Variants in TMEM41A observed in about 807,000 individuals in gnomAD.
The protein encoded by TMEM41A is transmembrane protein 41A.
In TMEM41A, 20 loss-of-function variants were observed where a neutral mutation model predicts 25.7. The observed-to-expected ratio is 0.78, with a 90% CI of 0.55 to 1.13. TMEM41A has a LOEUF of 1.13. Among genes scored for constraint, TMEM41A ranks in the 50% most tolerant of loss-of-function variants. The probability of loss-of-function intolerance (pLI) is 0.00; values close to 1 mark genes in which losing one functional copy is unlikely to be tolerated. For missense variants in TMEM41A, 299 were observed against 314.3 expected (o/e 0.95, Z 0.37); for synonymous variants, 133 against 139.6 (o/e 0.95, Z 0.33).
At chr3:185,492,962 C>T (rs1719001037) in intron 4 of TMEM41A, 1 of 152,112 alleles carries the variant, frequency 6.6e-6, no homozygotes, top group African/African-American at 2.4e-5. Context: ...CAAAATTGGC[C>T]GTGGTAGATC....
At chr3:185,497,095 A>G (rs1719127065) in intron 1 of TMEM41A, 114 bp from the exon 2 acceptor site, 1 of 1,313,634 alleles carries the variant, frequency 7.6e-7, no homozygotes, top group Admixed American at 2.3e-5. Context: ...CCATCATCTG[A>G]TCTGCTGGGA....
chr3:185,496,413 G>T, intron 2 of TMEM41A: 1 of 248,516 alleles, frequency 4.0e-6, no homozygotes, highest in Non-Finnish European at 8.1e-6. Context: ...CCCCCACCAA[G>T]CAGCAGCTGG....
intron 2 of TMEM41A, chr3:185,496,534 A>T (rs1257938272): frequency 4.7e-6 from 2 of 421,526 alleles, no homozygotes; most frequent in Non-Finnish European, 8.9e-6. Context: ...TCTCTTGGAC[A>T]TGTTTGCTTT....
rs769887402 is a variant in TMEM41A at position 185,491,718 on chromosome 3, G to T, written c.614C>A (p.Ser205Tyr). 2 of 1,614,112 alleles carry T rather than the reference G, an allele frequency of 1.2e-6. No individual in the cohort carries two copies. Among genetic ancestry groups the T allele is most frequent in the East Asian group, 4.5e-5 (2 of 44,874 alleles). The change falls in exon 5 of 5, where the codon TCC (serine) becomes TAC (tyrosine). Residue 205 changes from serine to tyrosine, a missense_variant. Ser to Tyr is a moderately radical substitution (Grantham distance 144, BLOSUM62 -2). Coordinates refer to ENST00000421852, the MANE Select transcript of TMEM41A (RefSeq NM_080652.4). ...PYNFICVQTG[S>Y]ILSTLTSLDA... The stretch of plus-strand genomic sequence containing the variant: ...CAGAGAGGTTAGGGTTGACAGGATG[G>T]ACCCTGTCTGCACACAGATGAAATT...
rs1718909845 is a variant in TMEM41A, at chr3:185,490,382, C to CA, written c.*1154dup. 6.6e-6 allele frequency: 1 copy of CA among 152,220 alleles called. No homozygotes were observed. The highest frequency in any genetic ancestry group is 2.1e-4 in the South Asian group (1 of 4,826). The allele number at this position is 152,220 out of a possible 1,614,324, so 9.4% of individuals were successfully genotyped here. A position where few individuals can be genotyped will look rare whatever the true frequency, so the allele number is the denominator to read the frequency against. ...TACTGAACCCATTCTCCTAGCATGA[C>CA]ACAGAACGGATTCCTGCAGAAAGGA... is the stretch of plus-strand genomic sequence containing the variant. On this transcript the variant is annotated 3_prime_UTR_variant, in exon 5 of 5. Coordinates refer to ENST00000421852, the MANE Select transcript of TMEM41A (RefSeq NM_080652.4).
chr3:185,491,781 A>T, intron 4 of TMEM41A, 24 bp from the exon 5 acceptor site: 9 of 1,553,302 alleles, frequency 5.8e-6, no homozygotes, highest in Non-Finnish European at 7.9e-6. Flanking sequence ...AGGACAAAGC[A>T]CCTGTTACAA....
intron 1 of TMEM41A, among the ~76,000 whole-genome samples, chr3:185,497,403 T>TC (rs1482084392): frequency 6.6e-6 from 1 of 152,112 alleles, no homozygotes; most frequent in Non-Finnish European, 1.5e-5. Flanking sequence ...GGACACTGCC[T>TC]CCCCCACAAA....
chr3:185,489,629 T>C lies in TMEM41A; in HGVS notation c.*1908A>G, dbSNP rs1046424360. ...CACTTACATCCATTTATTTGGGAAA[T>C]TGCTTCACCTGTAAACTCACAACTG... On this transcript the variant is annotated 3_prime_UTR_variant, in exon 5 of 5. Transcript: ENST00000421852. The C allele has an allele frequency of 6.6e-6, 1 of 152,118 alleles. No homozygotes were observed. Among genetic ancestry groups the C allele is most frequent in the Admixed American group, 6.6e-5 (1 of 15,258 alleles). The allele number at this position is 152,118 out of a possible 1,614,324, so 9.4% of individuals were successfully genotyped here. A position where few individuals can be genotyped will look rare whatever the true frequency, so the allele number is the denominator to read the frequency against.
chr3:185,498,964 C>A lies in TMEM41A; in HGVS notation c.-3G>T. 1 of 1,594,028 alleles carries A rather than the reference C, an allele frequency of 6.3e-7. No homozygotes were observed. Among genetic ancestry groups the A allele is most frequent in the Non-Finnish European group, 8.5e-7 (1 of 1,171,564 alleles). ...AGGAGGCCGAGAAGCGGGCGCATGT[C>A]GGCTCCGCACCCCGGCCCGCGGGGC... is the stretch of plus-strand genomic sequence containing the variant. On this transcript the variant is annotated 5_prime_UTR_variant, in exon 1 of 5. Transcript: ENST00000421852.
rs1217888406 is a variant in TMEM41A at position 185,498,941 on chromosome 3, G to A, written c.21C>T (p.Leu7=). The change falls in exon 1 of 5, where the codon CTC becomes CTT. Residue 7 remains leucine (L), a synonymous_variant. Coordinates refer to ENST00000421852, the MANE Select transcript of TMEM41A (RefSeq NM_080652.4). ...AGGTGCAGCCGGCGAAGACCAGAAG[G>A]AGGCCGAGAAGCGGGCGCATGTCGG... MRPLLG[L]LLVFAGCTFA... The A allele has an allele frequency of 6.2e-7, 1 of 1,603,498 alleles. No individual in the cohort carries two copies. The highest frequency in any genetic ancestry group is 1.1e-5 in the South Asian group (1 of 89,240).
chr3:185,498,978 G>C lies in TMEM41A; in HGVS notation c.-17C>G, dbSNP rs775391973. 1.3e-6 allele frequency: 2 copies of C among 1,578,892 alleles called. No individual in the cohort carries two copies. The highest frequency in any genetic ancestry group is 1.8e-5 in the Admixed American group (1 of 56,040). ...CGGGCGCATGTCGGCTCCGCACCCC[G>C]GCCCGCGGGGCAGCCGAGAAGCTCA... On this transcript the variant is annotated 5_prime_UTR_variant, in exon 1 of 5. Transcript: ENST00000421852.
rs758476632 is a variant in TMEM41A, at chr3:185,494,729, G to GA, written c.467dup (p.Leu158IlefsTer40). 32 of 1,608,614 alleles carry GA rather than the reference G, an allele frequency of 2.0e-5. No individual in the cohort carries two copies. The highest frequency in any genetic ancestry group is 1.7e-4 in the Middle Eastern group (1 of 6,036). ...TGGGGAAAAGTCTCAAAAACAATAA[G>GA]AAAAAAAACAAGCTGTTTCTGTTCT... On this transcript the variant is annotated frameshift_variant, in exon 4 of 5. Transcript: ENST00000421852.
At chr3:185,495,022 A>G in intron 3 of TMEM41A, 132 bp downstream of exon 3, 1 of 1,173,862 alleles carries the variant, frequency 8.5e-7, no homozygotes, top group East Asian at 2.3e-5. Context: ...GAAGACATCA[A>G]AAGAACCCCT....
In TMEM41A at chr3:185,496,646, T is replaced by C. The variant is rs557535634; in HGVS notation, c.273+182A>G. ...AGAGGGAAGCAGTACAAAAGGAAGCTGTCAGTGTCTCCCACTTCGGTGCTC... is the reference window on the plus strand; with the variant it reads ...AGAGGGAAGCAGTACAAAAGGAAGCCGTCAGTGTCTCCCACTTCGGTGCTC... On this transcript the variant is annotated intron_variant, in intron 2 of 4. Coordinates refer to ENST00000421852, the MANE Select transcript of TMEM41A (RefSeq NM_080652.4). 1,177 of 712,402 alleles carry C rather than the reference T, an allele frequency of 1.7e-3. 4 individuals are homozygous for C. The highest frequency in any genetic ancestry group is 2.2e-3 in the Non-Finnish European group (941 of 418,332). The allele number at this position is 712,402 out of a possible 1,614,324, so 44.1% of individuals were successfully genotyped here. A position where few individuals can be genotyped will look rare whatever the true frequency, so the allele number is the denominator to read the frequency against.
intron 2 of TMEM41A, 107 bp downstream of exon 2, chr3:185,496,721 C>T: frequency 7.1e-7 from 1 of 1,402,094 alleles, no homozygotes; most frequent in Non-Finnish European, 9.8e-7. Context: ...CCGATACACC[C>T]ACTGTCACTT....
chr3:185,491,609 T>G lies in TMEM41A; in HGVS notation c.723A>C (p.Lys241Asn). 6.2e-7 allele frequency: 1 copy of G among 1,614,208 alleles called. No homozygotes were observed. The highest frequency in any genetic ancestry group is 2.2e-5 in the East Asian group (1 of 44,892). The change falls in exon 5 of 5, where the codon AAA becomes AAC. Residue 241 changes from lysine to asparagine, a missense_variant. Physicochemically the swap from Lys to Asn is moderately conservative, Grantham distance 94 (BLOSUM62 0). Transcript: ENST00000421852. ...VALIPGTLIK[K>N]FSQKHLQLNE... ...TCAATTGCAGATGTTTCTGACTAAA[T>G]TTTTTAATGAGGGTTCCAGGAATTA...
In TMEM41A at chr3:185,496,828, C is replaced by G. The variant is rs776605221; in HGVS notation, c.273G>C (p.Leu91=). The part of the protein sequence containing the change: ...QGFAIPGSSF[L]NVLAGALFGP... ...GTTGGAGGGAGGGCAGGACACTGAC[C>G]AGGAAGCTGGAGCCGGGGATGGCAA... The change falls in exon 2 of 5, where the codon CTG becomes CTC. Residue 91 remains leucine, a splice_region_variant and synonymous_variant. Coordinates refer to ENST00000421852, the MANE Select transcript of TMEM41A (RefSeq NM_080652.4). The G allele has an allele frequency of 6.2e-7, 1 of 1,605,104 alleles. No homozygotes were observed. The highest frequency in any genetic ancestry group is 2.2e-5 in the East Asian group (1 of 44,636).
In TMEM41A at chr3:185,491,524, C is replaced by T. The variant is rs773013425; in HGVS notation, c.*13G>A. 1 of 1,607,496 alleles carries T rather than the reference C, an allele frequency of 6.2e-7. No individual in the cohort carries two copies. Among genetic ancestry groups the T allele is most frequent in the Non-Finnish European group, 8.5e-7 (1 of 1,174,862 alleles). On this transcript the variant is annotated 3_prime_UTR_variant, in exon 5 of 5. Transcript: ENST00000421852. ...CAACTGAGTCCAGGGATGTGGCAAA[C>T]AGAAAATCCAGATCATGTGTCTTTT...
rs1718917220 is a variant in TMEM41A, at chr3:185,490,604, G to T, written c.*933C>A. ...CTGACATACATGGTAATGTCAGTGT[G>T]TCTGAACACAAGAGCGTGACAGAAA... On this transcript the variant is annotated 3_prime_UTR_variant, in exon 5 of 5. Transcript: ENST00000421852. 6.6e-6 allele frequency: 1 copy of T among 152,238 alleles called. No individual in the cohort carries two copies. The highest frequency in any genetic ancestry group is 1.5e-5 in the Non-Finnish European group (1 of 68,048). The allele number at this position is 152,238 out of a possible 1,614,324, so 9.4% of individuals were successfully genotyped here. A position where few individuals can be genotyped will look rare whatever the true frequency, so the allele number is the denominator to read the frequency against.
Sources: allele counts gnomAD v4.1 joint callset (sites outside exome capture counted in the v4.1 genomes callset), GRCh38; gene constraint gnomAD v4.1.1; transcripts MANE v1.5; gene names NCBI Gene and HGNC (gene_info 2026-07-23, HGNC 2026-07-21).